The following BRIP1 variants were observed in gnomAD, a reference collection of about 807,000 sequenced individuals.
BRIP1 encodes BRCA1 interacting DNA helicase 1, also known as Fanconi anemia group J protein.
In BRIP1, 88 loss-of-function variants were observed where a neutral mutation model predicts 119.7. The ratio of observed to expected loss-of-function variants is 0.74; its 90% CI spans 0.62 to 0.88. The LOEUF (loss-of-function observed/expected upper bound fraction) is 0.88. Among genes scored for constraint, BRIP1 ranks in the 40% least tolerant of loss-of-function variants. BRIP1 has a pLI of 0.00. For missense variants in BRIP1, 1,259 were observed against 1,455.4 expected, an observed-to-expected ratio of 0.87 and a Z score of 2.20; for synonymous variants, 443 against 496.5, an observed-to-expected ratio of 0.89 and a Z score of 1.43.
chr17:61,778,719 C>T lies in BRIP1; in HGVS notation c.1935+1542G>A, dbSNP rs1024121091. Among the ~76,000 whole-genome samples the T allele has an allele frequency of 2.6e-5, 4 of 152,122 alleles. No individual in the cohort carries two copies. Among genetic ancestry groups the T allele is most frequent in the African/African-American group, 4.8e-5 (2 of 41,428 alleles). ...GTCTCTAAAGAAAGCAACTTGAAAA[C>T]GTGGAACATGTATTCTTCCTTCACT... is the stretch of plus-strand genomic sequence containing the variant. On this transcript the variant is annotated intron_variant, in intron 13 of 19. Coordinates refer to ENST00000259008, the MANE Select transcript of BRIP1 (RefSeq NM_032043.3). The surrounding 1 kb of genome is among the most constrained non-coding windows in gnomAD (Gnocchi z 4.4).
chr17:61,826,478 A>G (rs2145581420), intron 6 of BRIP1, among the ~76,000 whole-genome samples: 1 of 152,216 alleles, frequency 6.6e-6, no homozygotes, highest in Non-Finnish European at 1.5e-5. Flanking sequence ...ATGGGAGAAA[A>G]TTTTTTGCAA....
At position 61,762,330 on chromosome 17, in the gene BRIP1, T is replaced by A. The variant is rs576584374; in HGVS notation, c.2097+14071A>T. Among the ~76,000 whole-genome samples the A allele has an allele frequency of 1.3e-5, 2 of 152,186 alleles. No homozygotes were observed. Among genetic ancestry groups the A allele is most frequent in the South Asian group, 2.1e-4 (1 of 4,822 alleles). ...ACAGAGGGGGGAAAACTACATAACA[T>A]TGGTTTAGGCAATGATTTTTTGGAT... is the stretch of plus-strand genomic sequence containing the variant. On this transcript the variant is annotated intron_variant, in intron 14 of 19. Transcript: ENST00000259008. The surrounding 1 kb of genome is among the most constrained non-coding windows in gnomAD (Gnocchi z 4.3).
In BRIP1 at chr17:61,780,886, T is replaced by C. The variant is rs876658547; in HGVS notation, c.1748A>G (p.Lys583Arg). The change falls in exon 12 of 20, where the codon AAA becomes AGA. Residue 583 changes from lysine to arginine, a missense_variant. Transcript: ENST00000259008. The surrounding 1 kb of genome is among the most constrained non-coding windows in gnomAD (Gnocchi z 5.4). ...LPKNKKRSRQ[K>R]TAVHVLNFWC... Reference sequence around the variant, plus strand: ...AAAGTTTAGCACATGAACTGCAGTTTTCTGTCGTGAACGTTTCTTATTTTT... The same window carrying C: ...AAAGTTTAGCACATGAACTGCAGTTCTCTGTCGTGAACGTTTCTTATTTTT... 1 of 1,614,084 alleles carries C rather than the reference T, an allele frequency of 6.2e-7. No homozygotes were observed. Among genetic ancestry groups the C allele is most frequent in the Non-Finnish European group, 8.5e-7 (1 of 1,180,038 alleles).
At chr17:61,790,966 A>G (rs890818168) in intron 10 of BRIP1, among the ~76,000 whole-genome samples, 42 of 152,144 alleles carry the variant, frequency 2.8e-4, no homozygotes, top group African/African-American at 1.0e-3. Flanking sequence ...AATGCAAACA[A>G]TTTATGCAAA....
At chr17:61,694,922 C>T (rs2061499867) in intron 17 of BRIP1, among the ~76,000 whole-genome samples, 1 of 149,872 alleles carries the variant, frequency 6.7e-6, no homozygotes, top group Non-Finnish European at 1.5e-5. Context: ...ATTCTGGATA[C>T]TAGATCCTGC....
Position 61,758,625 on chromosome 17 carries a change from CA to C in BRIP1, c.2098-14035del, listed in dbSNP as rs2077231995. Among the ~76,000 whole-genome samples the C allele has an allele frequency of 6.6e-6, 1 of 152,074 alleles. No homozygotes were observed. Among genetic ancestry groups the C allele is most frequent in the Non-Finnish European group, 1.5e-5 (1 of 68,014 alleles). Reference sequence around the variant, plus strand: ...AAGGCATACCACTACAGGAAACCATCAAATCACAAAGGAAGACAGCAAGAGA... The same window carrying C: ...AAGGCATACCACTACAGGAAACCATCAATCACAAAGGAAGACAGCAAGAGA... On this transcript the variant is annotated intron_variant, in intron 14 of 19. Coordinates refer to ENST00000259008, the MANE Select transcript of BRIP1 (RefSeq NM_032043.3). This position sits in a 1 kb window ranked among gnomAD's most constrained non-coding sequence, Gnocchi z 5.3.
At chr17:61,821,352 GCAAA>G (rs1365907270) in intron 6 of BRIP1, among the ~76,000 whole-genome samples, 1 of 152,116 alleles carries the variant, frequency 6.6e-6, no homozygotes, top group East Asian at 1.9e-4. Context: ...GCAGGGTGTT[GCAAA>G]CAGAGTAGCC....
At chr17:61,859,291 T>G (rs1314680094) in intron 3 of BRIP1, among the ~76,000 whole-genome samples, 1 of 152,142 alleles carries the variant, frequency 6.6e-6, no homozygotes, top group Non-Finnish European at 1.5e-5. Context: ...ACAGCCCATC[T>G]CTTGCATCTT....
intron 14 of BRIP1, among the ~76,000 whole-genome samples, chr17:61,771,551 A>C (rs76268704): frequency 0.027 from 4,115 of 152,316 alleles, 175 homozygotes; most frequent in African/African-American, 0.093. Context: ...ATCAAAAAAA[A>C]CATAAAATAA....
In BRIP1 at chr17:61,780,522, G is replaced by T; in HGVS notation, c.1795-121C>A. The T allele has an allele frequency of 9.8e-6, 9 of 919,912 alleles. No homozygotes were observed. The South Asian group carries it at 1.3e-4, about 13-fold the overall frequency. The allele number at this position is 919,912 out of a possible 1,614,324, so 57.0% of individuals were successfully genotyped here. ...GCAGGAAGATCGCTTGAGTCTAGGA[G>T]TCTGAGACCAGCCTGGGCAATATGG... is the stretch of plus-strand genomic sequence containing the variant. On this transcript the variant is annotated intron_variant, in intron 12 of 19. Coordinates refer to ENST00000259008, the MANE Select transcript of BRIP1 (RefSeq NM_032043.3). This position sits in a 1 kb window ranked among gnomAD's most constrained non-coding sequence, Gnocchi z 5.4.
In BRIP1 at chr17:61,776,338, A is replaced by C; in HGVS notation, c.2097+63T>G. 3.8e-6 allele frequency: 6 copies of C among 1,584,736 alleles called. No individual in the cohort carries two copies. Among genetic ancestry groups the C allele is most frequent in the Non-Finnish European group, 5.2e-6 (6 of 1,153,962 alleles). ...TTACTGTGGTAATTTTAAAATTAGC[A>C]TGCCAATGTTTAAAATGTAAATGAT... On this transcript the variant is annotated intron_variant, in intron 14 of 19. Coordinates refer to ENST00000259008, the MANE Select transcript of BRIP1 (RefSeq NM_032043.3). The surrounding 1 kb of genome is among the most constrained non-coding windows in gnomAD (Gnocchi z 5.0).
rs1399272123 is a variant in BRIP1 at position 61,736,253 on chromosome 17, A to G, written c.2379+6760T>C. ...TGAGGCAGGAGGATCAATTGAGCCC[A>G]TGAGCTCAAGGCTGCAGTGAGCTAT... On this transcript the variant is annotated intron_variant, in intron 16 of 19. Coordinates refer to ENST00000259008, the MANE Select transcript of BRIP1 (RefSeq NM_032043.3). The surrounding 1 kb of genome is among the most constrained non-coding windows in gnomAD (Gnocchi z 4.4). Among the ~76,000 whole-genome samples the G allele has an allele frequency of 6.6e-6, 1 of 151,924 alleles. No individual in the cohort carries two copies. The highest frequency in any genetic ancestry group is 2.4e-5 in the African/African-American group (1 of 41,348).
rs2061252780 is a variant in BRIP1 at position 61,680,066 on chromosome 17, G to A, written c.*3230C>T. On this transcript the variant is annotated 3_prime_UTR_variant, in exon 20 of 20. Transcript: ENST00000259008. ...GAAAGAATAAAAAATATCTAGGCCA[G>A]GCATGGTGGCTCACGCCTGTAATCC... Among the ~76,000 whole-genome samples, 1 of 151,980 alleles carries A rather than the reference G, an allele frequency of 6.6e-6. No homozygotes were observed. Among genetic ancestry groups the A allele is most frequent in the African/African-American group, 2.4e-5 (1 of 41,362 alleles).
At chr17:61,697,370 A>AAAAAAAT in intron 17 of BRIP1, among the ~76,000 whole-genome samples, 1 of 128,422 alleles carries the variant, frequency 7.8e-6, no homozygotes, top group African/African-American at 2.9e-5. Context: ...AAAAAAAAAA[A>AAAAAAAT]AGATATTCTA....
In BRIP1 at chr17:61,722,360, C is replaced by A. The variant is rs2061995619; in HGVS notation, c.2380-6297G>T. ...CCCAGCCCAACTTTGCTTTTTAGGG[C>A]AACATAAGTAGTAAATGATAACATA... On this transcript the variant is annotated intron_variant, in intron 16 of 19. Transcript: ENST00000259008. The surrounding 1 kb of genome is among the most constrained non-coding windows in gnomAD (Gnocchi z 4.6). 6.6e-6 allele frequency among the ~76,000 whole-genome samples: 1 copy of A among 151,950 alleles called. No homozygotes were observed. The highest frequency in any genetic ancestry group is 6.6e-5 in the Admixed American group (1 of 15,238).
intron 16 of BRIP1, among the ~76,000 whole-genome samples, chr17:61,727,770 G>A (rs200925393): frequency 7.1e-6 from 1 of 140,364 alleles, no homozygotes; most frequent in South Asian, 2.3e-4. Context: ...CTGTCTGTCT[G>A]TCTCTCTCTC....
rs1269738535 is a variant in BRIP1 at position 61,713,363 on chromosome 17, CAGA to C, written c.2492+2585_2492+2587del. 6.6e-6 allele frequency among the ~76,000 whole-genome samples: 1 copy of C among 151,644 alleles called. No homozygotes were observed. The highest frequency in any genetic ancestry group is 1.5e-5 in the Non-Finnish European group (1 of 67,934). ...CAGGCAGATCCCTCAGGAAGAATTC[CAGA>C]AGAAGGCATTGTTATCACAGGAGAT... On this transcript the variant is annotated intron_variant, in intron 17 of 19. Coordinates refer to ENST00000259008, the MANE Select transcript of BRIP1 (RefSeq NM_032043.3). The surrounding 1 kb of genome is among the most constrained non-coding windows in gnomAD (Gnocchi z 4.9).
At chr17:61,820,910 A>G (rs996300370) in intron 6 of BRIP1, among the ~76,000 whole-genome samples, 15 of 151,228 alleles carry the variant, frequency 9.9e-5, no homozygotes, top group African/African-American at 3.7e-4. Context: ...AGATCCCGCT[A>G]TTGCACTCCA....
intron 14 of BRIP1, among the ~76,000 whole-genome samples, chr17:61,750,665 T>A (rs2144754037): frequency 6.6e-6 from 1 of 150,746 alleles, no homozygotes; most frequent in East Asian, 2.0e-4. Flanking sequence ...CCAAACAGAT[T>A]CAAATATAGG....
Sources: allele counts gnomAD v4.1 joint callset (sites outside exome capture counted in the v4.1 genomes callset), GRCh38; gene constraint gnomAD v4.1.1; non-coding constraint Gnocchi (gnomAD v3.1); transcripts MANE v1.5; gene names NCBI Gene and HGNC (gene_info 2026-07-23, HGNC 2026-07-21).